The following SYNE2 variants were observed in gnomAD, a reference collection of about 807,000 sequenced individuals.
The protein encoded by SYNE2 is spectrin repeat containing nuclear envelope protein 2.
SYNE2 carries 431 observed loss-of-function variants against 856.3 expected under a neutral mutation model. That is an observed-to-expected ratio of 0.50 (90% CI 0.47 to 0.55). The LOEUF (loss-of-function observed/expected upper bound fraction) is 0.55. Ranked by LOEUF, SYNE2 falls within the 20% of genes least tolerant of loss-of-function variation. SYNE2 has a pLI of 0.00. For missense variants in SYNE2, 8,129 were observed against 8,023.2 expected (o/e 1.01, Z -0.50); for synonymous variants, 2,923 against 2,872.3 (o/e 1.02, Z -0.56).
At chr14:64,152,522 G>A (rs1159228076) in intron 84 of SYNE2, 42 bp from the exon 85 acceptor site, 3 of 1,607,028 alleles carry the variant, frequency 1.9e-6, no homozygotes, top group Non-Finnish European at 2.6e-6. Flanking sequence ...TAATTGTTTT[G>A]TAATATTGTG....
chr14:64,040,509 A>C (rs2097139896), intron 45 of SYNE2, among the ~76,000 whole-genome samples: 1 of 151,446 alleles, frequency 6.6e-6, no homozygotes, highest in Non-Finnish European at 1.5e-5. Context: ...GTCTGAAGAG[A>C]CTTAGTTAGA....
chr14:64,053,416 T>TA lies in SYNE2; in HGVS notation c.9507dup (p.Ser3170IlefsTer14), dbSNP rs759392867. ...ACTTCCTTACATGTTTTAAATCAGATAAAATCTCAATTACAGCAGCCATTA... is the reference window on the plus strand; with the variant it reads ...ACTTCCTTACATGTTTTAAATCAGATAAAAATCTCAATTACAGCAGCCATTA... On this transcript the variant is annotated frameshift_variant, in exon 48 of 116. Transcript: ENST00000555002. LOFTEE classifies it high-confidence loss of function. The TA allele has an allele frequency of 6.2e-7, 1 of 1,612,978 alleles. No homozygotes were observed. Among genetic ancestry groups the TA allele is most frequent in the Non-Finnish European group, 8.5e-7 (1 of 1,179,808 alleles).
intron 90 of SYNE2, among the ~76,000 whole-genome samples, chr14:64,166,194 T>A (rs908093028): frequency 2.0e-5 from 3 of 152,216 alleles, no homozygotes; most frequent in Non-Finnish European, 4.4e-5. Flanking sequence ...GATTTTTTTT[T>A]AAATAAAATT....
chr14:63,863,276 A>G (rs1220597964), intron 1 of SYNE2, among the ~76,000 whole-genome samples: 1 of 152,156 alleles, frequency 6.6e-6, no homozygotes, highest in African/African-American at 2.4e-5. Flanking sequence ...TCGAGATGAC[A>G]CATTTAGTAG....
At chr14:63,999,233 AG>A (rs1456768257) in intron 27 of SYNE2, among the ~76,000 whole-genome samples, 193 bp downstream of exon 27, 1 of 152,170 alleles carries the variant, frequency 6.6e-6, no homozygotes. Flanking sequence ...ACCCCAGGAA[AG>A]GCTTTGGTTT....
chr14:64,216,187 T>C (rs1472427212), intron 107 of SYNE2, 61 bp from the exon 108 acceptor site: 67 of 1,610,682 alleles, frequency 4.2e-5, no homozygotes, highest in Non-Finnish European at 5.4e-5. Flanking sequence ...CCTGATGCCA[T>C]GTCACCCGTG....
intron 96 of SYNE2, among the ~76,000 whole-genome samples, chr14:64,185,778 T>G (rs1341191101): frequency 1.3e-5 from 2 of 152,152 alleles, no homozygotes; most frequent in African/African-American, 4.8e-5. Flanking sequence ...ACCTTGGGCT[T>G]CCAAAGTGCT....
At position 64,186,532 on chromosome 14, in the gene SYNE2, G is replaced by C; in HGVS notation, c.17665G>C (p.Glu5889Gln). Residue 5889 changes from glutamate (E) to glutamine (Q), a missense_variant, in exon 97 of 116, where the codon GAG (glutamate) becomes CAG (glutamine). Physicochemically the swap from Glu to Gln is conservative, Grantham distance 29. Coordinates refer to ENST00000555002, the MANE Select transcript of SYNE2 (RefSeq NM_182914.3). ...VLVEDVMVLKEQIEHLHRQWE... is the reference protein window; with the variant it reads ...VLVEDVMVLKQQIEHLHRQWE... ...CGTGGAAGATGTGATGGTTTTGAAG[G>C]AGCAAATAGAGCATTTGCACAGACA... is the stretch of plus-strand genomic sequence containing the variant. The C allele has an allele frequency of 6.2e-7, 1 of 1,614,216 alleles. No homozygotes were observed. The highest frequency in any genetic ancestry group is 8.5e-7 in the Non-Finnish European group (1 of 1,180,040).
chr14:63,989,062 T>C (rs2096647326), intron 19 of SYNE2, among the ~76,000 whole-genome samples: 1 of 152,234 alleles, frequency 6.6e-6, no homozygotes, highest in Admixed American at 6.5e-5. Context: ...ACATGTAATA[T>C]TGAACTATCA....
intron 1 of SYNE2, among the ~76,000 whole-genome samples, chr14:63,779,816 C>A (rs1013584480): frequency 6.6e-6 from 1 of 152,104 alleles, no homozygotes; most frequent in Non-Finnish European, 1.5e-5. Flanking sequence ...GAGGCTGAGG[C>A]AGGAGAATCG....
intron 8 of SYNE2, 44 bp from the exon 9 acceptor site, chr14:63,961,481 A>G: frequency 6.7e-7 from 1 of 1,497,152 alleles, no homozygotes; most frequent in Non-Finnish European, 9.3e-7. Context: ...TATTCATTAT[A>G]GTAAATGTGT....
At chr14:64,151,914 A>G (rs564342497) in intron 84 of SYNE2, among the ~76,000 whole-genome samples, 2 of 152,314 alleles carry the variant, frequency 1.3e-5, no homozygotes, top group South Asian at 4.1e-4. Context: ...CCTTCCTCTG[A>G]GTAGAGTGGC....
At chr14:63,956,850 C>T (rs1035232247) in intron 8 of SYNE2, among the ~76,000 whole-genome samples, 6 of 152,056 alleles carry the variant, frequency 3.9e-5, no homozygotes, top group African/African-American at 9.7e-5. Flanking sequence ...AACCAATTCC[C>T]GTGTATACCA....
rs1001256813 is a variant in SYNE2, at chr14:63,955,045, T to G, written c.787+130T>G. 21 of 761,662 alleles carry G rather than the reference T, an allele frequency of 2.8e-5. No homozygotes were observed. In the African/African-American group the frequency reaches 3.5e-4, roughly 13 times the overall value. 47.2% of individuals were successfully genotyped at this position (761,662 alleles called of 1,614,324 possible). On this transcript the variant is annotated intron_variant, in intron 8 of 115. Transcript: ENST00000555002. ...TCCTGGAGGGTTTAACTTAAGCTCT[T>G]TATCGAATTTGATGCAATCAAACAA...
chr14:64,017,062 G>T (rs1288826044), intron 33 of SYNE2, among the ~76,000 whole-genome samples: 4 of 152,002 alleles, frequency 2.6e-5, no homozygotes, highest in African/African-American at 9.7e-5. Flanking sequence ...CAGCATGGTG[G>T]CTCACATCTA....
At chr14:63,825,839 C>T (rs1181392486) in intron 1 of SYNE2, among the ~76,000 whole-genome samples, 1 of 152,088 alleles carries the variant, frequency 6.6e-6, no homozygotes, top group Non-Finnish European at 1.5e-5. Flanking sequence ...CTCCACTGCA[C>T]TCCAGCCTGG....
rs955543773 is a variant in SYNE2 at position 63,990,567 on chromosome 14, C to T, written c.2470C>T (p.Gln824Ter). 2 of 1,613,240 alleles carry T rather than the reference C, an allele frequency of 1.2e-6. No individual in the cohort carries two copies. The highest frequency in any genetic ancestry group is 1.3e-5 in the African/African-American group (1 of 74,878). Residue 824 changes from glutamine to a stop codon, truncating the protein, a stop_gained and splice_region_variant, in exon 20 of 116, where the codon CAG becomes TAG. Transcript: ENST00000555002. LOFTEE classifies it high-confidence loss of function. ...GATTCAAGAAGCTAAAGAGAAAGTC[C>T]AGGTCTCTCTTTAATATTCCCTATT... ...AKIQEAKEKV[Q>*]INVVKLIAAL...
chr14:64,105,528 A>G (rs544909151), intron 64 of SYNE2, among the ~76,000 whole-genome samples: 1 of 152,346 alleles, frequency 6.6e-6, no homozygotes, highest in African/African-American at 2.4e-5. Flanking sequence ...TTAAAGGTGA[A>G]GTAACTGAGG....
At chr14:64,105,078 C>T (rs997318113) in intron 64 of SYNE2, among the ~76,000 whole-genome samples, 18 of 152,130 alleles carry the variant, frequency 1.2e-4, no homozygotes, top group African/African-American at 4.1e-4. Flanking sequence ...CAATGATGTC[C>T]ATTCACTGTG....
Sources: gnomAD v4.1 joint callset for allele counts (sites outside exome capture counted in the v4.1 genomes callset) on GRCh38, gnomAD v4.1.1 for gene constraint, MANE v1.5 for transcripts, NCBI Gene and HGNC (gene_info 2026-07-23, HGNC 2026-07-21) for gene names.